Variants in ISOC2 observed in about 807,000 individuals in gnomAD.
ISOC2 encodes isochorismatase domain-containing protein 2.
ISOC2 carries 15 observed loss-of-function variants against 19.3 expected under a neutral mutation model. That is an observed-to-expected ratio of 0.78 (90% CI 0.52 to 1.20). The LOEUF is 1.20. Ranked by LOEUF, ISOC2 falls within the 50% of genes most tolerant of loss-of-function variation. The pLI is 0.00. For synonymous variants in ISOC2, 106 were observed against 115.8 expected (o/e 0.92, Z 0.54); for missense variants, 285 against 272.4 (o/e 1.05, Z -0.33).
At chr19:55,455,210 G>A (rs775227861) in intron 4 of ISOC2, 50 bp downstream of exon 4, 17 of 1,574,196 alleles carry the variant, frequency 1.1e-5, no homozygotes, top group African/African-American at 4.1e-5. Flanking sequence ...CCCTTCCTGG[G>A]AGCCCCTGAT....
chr19:55,453,044 C>T lies in ISOC2; in HGVS notation c.*264G>A, dbSNP rs1469872795. ...GTCCCACAGTCTGAGACTCTTCTTCCCCTCCCCTTCCCGCCCCGTGAAGTG... is the reference window on the plus strand; with the variant it reads ...GTCCCACAGTCTGAGACTCTTCTTCTCCTCCCCTTCCCGCCCCGTGAAGTG... On this transcript the variant is annotated 3_prime_UTR_variant, in exon 6 of 6. Transcript: ENST00000425675. 1.1e-5 allele frequency: 5 copies of T among 436,016 alleles called. No homozygotes were observed. Among genetic ancestry groups the T allele is most frequent in the Non-Finnish European group, 2.0e-5 (5 of 245,764 alleles). The allele number at this position is 436,016 out of a possible 1,614,324, so 27.0% of individuals were successfully genotyped here. A position where few individuals can be genotyped will look rare whatever the true frequency, so the allele number is the denominator to read the frequency against.
At chr19:55,460,190 ACT>A (rs72168055) in intron 1 of ISOC2, among the ~76,000 whole-genome samples, 5,451 of 152,206 alleles carry the variant, frequency 0.036, 130 homozygotes, top group African/African-American at 0.07. Flanking sequence ...CCATAACTAT[ACT>A]CTGTTATTCC....
At chr19:55,455,355 C>A (rs1382665248) in intron 3 of ISOC2, 25 bp from the exon 4 acceptor site, 18 of 1,613,822 alleles carry the variant, frequency 1.1e-5, no homozygotes, top group Non-Finnish European at 1.4e-5. Flanking sequence ...AGGTCAGGGC[C>A]AACCCCGGAT....
chr19:55,458,591 C>T (rs935694761), intron 1 of ISOC2, among the ~76,000 whole-genome samples: 39 of 151,090 alleles, frequency 2.6e-4, no homozygotes, highest in Admixed American at 9.9e-4. Flanking sequence ...TGTAGTGGCG[C>T]GATCTTGGCT....
Position 55,453,239 on chromosome 19 carries a change from G to C in ISOC2, c.*69C>G, listed in dbSNP as rs1985924485. ...CGCACCACTCTTGGGATCCAGGGAT[G>C]GGGGGAACGGGCTTCCACTGAGGTC... On this transcript the variant is annotated 3_prime_UTR_variant, in exon 6 of 6. Transcript: ENST00000425675. The C allele has an allele frequency of 3.5e-6, 4 of 1,148,608 alleles. No individual in the cohort carries two copies. The highest frequency in any genetic ancestry group is 3.7e-6 in the Non-Finnish European group (3 of 803,450). 71.2% of individuals were successfully genotyped at this position (1,148,608 alleles called of 1,614,324 possible).
chr19:55,455,870 G>T, intron 2 of ISOC2, 25 bp from the exon 3 acceptor site: 1 of 1,362,084 alleles, frequency 7.3e-7, no homozygotes, highest in Non-Finnish European at 9.7e-7. Flanking sequence ...GGGAAGAAAG[G>T]TCAGGGTCTG....
At position 55,453,406 on chromosome 19, in the gene ISOC2, G is replaced by T; in HGVS notation, c.538-18C>A. The T allele has an allele frequency of 6.3e-7, 1 of 1,575,904 alleles. No individual in the cohort carries two copies. Among genetic ancestry groups the T allele is most frequent in the Non-Finnish European group, 8.6e-7 (1 of 1,159,432 alleles). On this transcript the variant is annotated intron_variant, in intron 5 of 5. Coordinates refer to ENST00000425675, the MANE Select transcript of ISOC2 (RefSeq NM_001136201.2). ...TTCTGGATCTGTAAGGGCAGGGGGCGATGGGTCAGGAAGCGTCTAGGGTCC... is the reference window on the plus strand; with the variant it reads ...TTCTGGATCTGTAAGGGCAGGGGGCTATGGGTCAGGAAGCGTCTAGGGTCC...
chr19:55,454,005 G>T (rs1055423826), intron 5 of ISOC2: 1 of 152,246 alleles, frequency 6.6e-6, no homozygotes, highest in African/African-American at 2.4e-5. Context: ...GGGCCAGAAA[G>T]AACTTTGTAA....
rs1555755524 is a variant in ISOC2, at chr19:55,453,180, C to CT, written c.*127_*128insA. The CT allele has an allele frequency of 4.2e-6, 2 of 474,016 alleles. No individual in the cohort carries two copies. Among genetic ancestry groups the CT allele is most frequent in the Admixed American group, 7.2e-5 (1 of 13,848 alleles). The allele number at this position is 474,016 out of a possible 1,614,324, so 29.4% of individuals were successfully genotyped here. A position where few individuals can be genotyped will look rare whatever the true frequency, so the allele number is the denominator to read the frequency against. Reference sequence around the variant, plus strand: ...TGTCCAATGGGAAGGCAGCACCCTGCCCCCCCCACAAGGGGGCGGCACTCC... The same window carrying CT: ...TGTCCAATGGGAAGGCAGCACCCTGCTCCCCCCCACAAGGGGGCGGCACTCC... On this transcript the variant is annotated 3_prime_UTR_variant, in exon 6 of 6. Transcript: ENST00000425675.
Position 55,455,062 on chromosome 19 carries a change from C to A in ISOC2, c.464G>T (p.Gly155Val). 6.2e-7 allele frequency: 1 copy of A among 1,613,152 alleles called. No individual in the cohort carries two copies. The highest frequency in any genetic ancestry group is 8.5e-7 in the Non-Finnish European group (1 of 1,180,008). Residue 155 changes from glycine (G) to valine (V), a missense_variant, in exon 5 of 6, where the codon GGT becomes GTT. By Grantham distance (109) the Gly-to-Val change is moderately radical. Transcript: ENST00000425675. ...CCCTTCGCTGGTGGAGAGGAAGGCA[C>A]CACTCTGTCTCATGCGGGCCAGAGC... is the stretch of plus-strand genomic sequence containing the variant. ...LVALARMRQSGAFLSTSEGLI... is the reference protein window; with the variant it reads ...LVALARMRQSVAFLSTSEGLI...
chr19:55,455,440 C>A, intron 3 of ISOC2, 110 bp from the exon 4 acceptor site: 1 of 1,445,522 alleles, frequency 6.9e-7, no homozygotes, highest in Non-Finnish European at 9.7e-7. Context: ...AGGAGGGAGG[C>A]TCGGATCAGA....
At chr19:55,460,357 T>C (rs1033589645) in intron 1 of ISOC2, among the ~76,000 whole-genome samples, 2 of 152,248 alleles carry the variant, frequency 1.3e-5, no homozygotes, top group African/African-American at 4.8e-5. Flanking sequence ...TGCCTATATC[T>C]ATATCTGCTA....
At chr19:55,457,591 G>A (rs1158417301) in intron 1 of ISOC2, among the ~76,000 whole-genome samples, 1 of 152,112 alleles carries the variant, frequency 6.6e-6, no homozygotes, top group Non-Finnish European at 1.5e-5. Context: ...GACTTTGGGA[G>A]GCCGAGGCGG....
rs1310556438 is a variant in ISOC2 at position 55,453,004 on chromosome 19, A to G, written c.*304T>C. 1.2e-5 allele frequency: 3 copies of G among 258,282 alleles called. No homozygotes were observed. The highest frequency in any genetic ancestry group is 2.2e-5 in the Non-Finnish European group (3 of 137,302). 16.0% of individuals were successfully genotyped at this position (258,282 alleles called of 1,614,324 possible). A position where few individuals can be genotyped will look rare whatever the true frequency, so the allele number is the denominator to read the frequency against. Reference sequence around the variant, plus strand: ...TTGGTCCACAGCCACATATATGTTTATTCTGCGAGTCCGTGTCCCACAGTC... The same window carrying G: ...TTGGTCCACAGCCACATATATGTTTGTTCTGCGAGTCCGTGTCCCACAGTC... On this transcript the variant is annotated 3_prime_UTR_variant, in exon 6 of 6. Coordinates refer to ENST00000425675, the MANE Select transcript of ISOC2 (RefSeq NM_001136201.2).
chr19:55,461,519 G>C lies in ISOC2; in HGVS notation c.-11C>G, dbSNP rs1986239501. 1 of 152,242 alleles carries C rather than the reference G, an allele frequency of 6.6e-6. No individual in the cohort carries two copies. The allele number at this position is 152,242 out of a possible 1,614,324, so 9.4% of individuals were successfully genotyped here. ...CAGCGAGAGAGGACTTACCCGGAAG[G>C]TGCCGGGTTCGAGCCCGGAACGGCC... On this transcript the variant is annotated 5_prime_UTR_variant, in exon 1 of 6. Transcript: ENST00000425675.
intron 1 of ISOC2, among the ~76,000 whole-genome samples, chr19:55,456,766 C>A (rs1385712588): frequency 6.6e-6 from 1 of 152,166 alleles, no homozygotes; most frequent in Non-Finnish European, 1.5e-5. Flanking sequence ...CCTGTGTTCT[C>A]CTTGCTGAGG....
At position 55,453,232 on chromosome 19, in the gene ISOC2, C is replaced by T; in HGVS notation, c.*76G>A. The T allele has an allele frequency of 1.8e-6, 2 of 1,094,812 alleles. No homozygotes were observed. The highest frequency in any genetic ancestry group is 2.6e-6 in the Non-Finnish European group (2 of 763,084). The allele number at this position is 1,094,812 out of a possible 1,614,324, so 67.8% of individuals were successfully genotyped here. ...GGTGGATCGCACCACTCTTGGGATC[C>T]AGGGATGGGGGGAACGGGCTTCCAC... On this transcript the variant is annotated 3_prime_UTR_variant, in exon 6 of 6. Transcript: ENST00000425675.
At chr19:55,460,472 T>C (rs1256203045) in intron 1 of ISOC2, among the ~76,000 whole-genome samples, 2 of 152,192 alleles carry the variant, frequency 1.3e-5, no homozygotes, top group African/African-American at 4.8e-5. Flanking sequence ...TCTTCTGAAT[T>C]CTGGACAATG....
chr19:55,453,033 G>A lies in ISOC2; in HGVS notation c.*275C>T, dbSNP rs1438664461. 7.3e-6 allele frequency: 3 copies of A among 413,642 alleles called. No homozygotes were observed. The highest frequency in any genetic ancestry group is 7.7e-5 in the South Asian group (2 of 26,066). The allele number at this position is 413,642 out of a possible 1,614,324, so 25.6% of individuals were successfully genotyped here. A position where few individuals can be genotyped will look rare whatever the true frequency, so the allele number is the denominator to read the frequency against. On this transcript the variant is annotated 3_prime_UTR_variant, in exon 6 of 6. Transcript: ENST00000425675. ...TGCGAGTCCGTGTCCCACAGTCTGA[G>A]ACTCTTCTTCCCCTCCCCTTCCCGC...
Sources: allele counts gnomAD v4.1 joint callset (sites outside exome capture counted in the v4.1 genomes callset), GRCh38; gene constraint gnomAD v4.1.1; transcripts MANE v1.5; gene names NCBI Gene and HGNC (gene_info 2026-07-23, HGNC 2026-07-21).